The following POLQ variants were observed in gnomAD, a reference collection of about 807,000 sequenced individuals.
POLQ encodes the protein DNA polymerase theta.
A neutral mutation model predicts 259.2 loss-of-function variants in POLQ; 233 were observed. The observed-to-expected ratio is 0.90, with a 90% confidence interval of 0.81 to 1.00. The LOEUF (loss-of-function observed/expected upper bound fraction) is 1.00. POLQ is among the 50% of genes least tolerant of loss of function. The pLI is 0.00. For synonymous variants in POLQ, 1,025 were observed against 1,048.8 expected (o/e 0.98, Z 0.44); for missense variants, 2,871 against 3,051.6 (o/e 0.94, Z 1.39).
chr3:121,468,463 AG>A, intron 22 of POLQ, 32 bp from the exon 23 acceptor site: 1 of 1,534,224 alleles, frequency 6.5e-7, no homozygotes, highest in Non-Finnish European at 8.9e-7. Context: ...ACATAAAATC[AG>A]GAAAAAAAAT....
intron 7 of POLQ, among the ~76,000 whole-genome samples, chr3:121,522,686 G>C (rs1167790357): frequency 6.6e-6 from 1 of 152,126 alleles, no homozygotes; most frequent in Non-Finnish European, 1.5e-5. Flanking sequence ...GATGTGACCT[G>C]GACATGAAGA....
chr3:121,483,368 T>C lies in POLQ; in HGVS notation c.5970+18A>G. 1 of 1,422,598 alleles carries C rather than the reference T, an allele frequency of 7.0e-7. No homozygotes were observed. The highest frequency in any genetic ancestry group is 9.4e-7 in the Non-Finnish European group (1 of 1,066,162). The allele number at this position is 1,422,598 out of a possible 1,614,324, so 88.1% of individuals were successfully genotyped here. On this transcript the variant is annotated intron_variant, in intron 18 of 29. Coordinates refer to ENST00000264233, the MANE Select transcript of POLQ (RefSeq NM_199420.4). The stretch of plus-strand genomic sequence containing the variant: ...AAATGTTGTTTTAAGTATATAAAAA[T>C]TAAATTAGACATAGAACCTTAGGAT...
chr3:121,438,478 A>C (rs943534627), intron 27 of POLQ, among the ~76,000 whole-genome samples: 7 of 152,206 alleles, frequency 4.6e-5, no homozygotes, highest in African/African-American at 1.7e-4. Context: ...CATTTAGAAG[A>C]AGCCTTTTAG....
intron 8 of POLQ, 187 bp downstream of exon 8, chr3:121,521,816 T>C: frequency 2.9e-6 from 1 of 348,594 alleles, no homozygotes; most frequent in Non-Finnish European, 5.1e-6. Flanking sequence ...GGTGATCCAC[T>C]TGCTTCGGCC....
In POLQ at chr3:121,544,720, T is replaced by A. The variant is rs375961541; in HGVS notation, c.343+7A>T. 1.9e-6 allele frequency: 3 copies of A among 1,566,632 alleles called. No homozygotes were observed. The African/African-American group carries it at 4.1e-5, about 21-fold the overall frequency. ...AAATAGTAATTAGTTTACATAAATT[T>A]GGATACCTGAATAAACTAAATTCTT... On this transcript the variant is annotated splice_region_variant and intron_variant, in intron 2 of 29. Coordinates refer to ENST00000264233, the MANE Select transcript of POLQ (RefSeq NM_199420.4).
At chr3:121,541,827 C>T (rs954231850) in intron 2 of POLQ, among the ~76,000 whole-genome samples, 7 of 151,846 alleles carry the variant, frequency 4.6e-5, no homozygotes, top group African/African-American at 1.7e-4. Flanking sequence ...GAGCTATGAT[C>T]GAAGTTGAAG....
At chr3:121,523,050 C>T (rs1345384370) in intron 7 of POLQ, among the ~76,000 whole-genome samples, 1 of 152,222 alleles carries the variant, frequency 6.6e-6, no homozygotes, top group South Asian at 2.1e-4. Flanking sequence ...GGGTCTCACT[C>T]TGTCACCCAG....
Position 121,529,760 on chromosome 3 carries a change from A to G in POLQ, c.993T>C (p.Tyr331=), listed in dbSNP as rs1224624181. The change falls in exon 7 of 30, where the codon TAT becomes TAC. Residue 331 remains tyrosine, a synonymous_variant. Transcript: ENST00000264233. ...CTGAATGGTTATCACAAATCGTCTC[A>G]TAACATAAACTAACAACATGGTCCT... ...GDEDHVVSLC[Y]ETICDNHSVL... The G allele has an allele frequency of 5.0e-6, 8 of 1,612,248 alleles. No individual in the cohort carries two copies. In the African/African-American group the frequency reaches 9.3e-5, roughly 19 times the overall value.
Position 121,460,204 on chromosome 3 carries a change from TGA to T in POLQ, c.6996_6997del (p.Gln2333AlafsTer2). On this transcript the variant is annotated frameshift_variant, in exon 25 of 30. Coordinates refer to ENST00000264233, the MANE Select transcript of POLQ (RefSeq NM_199420.4). LOFTEE classifies it high-confidence loss of function. ...ATGAGCCAAGATCCTCAGTTCAAGC[TGA>T]GAGTAGTCAGCAGCCAGTATTGAAC... The T allele has an allele frequency of 6.2e-7, 1 of 1,613,762 alleles. No homozygotes were observed. The highest frequency in any genetic ancestry group is 8.5e-7 in the Non-Finnish European group (1 of 1,179,632).
At position 121,488,938 on chromosome 3, in the gene POLQ, T is replaced by C; in HGVS notation, c.3993A>G (p.Ile1331Met). 6.2e-7 allele frequency: 1 copy of C among 1,614,164 alleles called. No homozygotes were observed. The highest frequency in any genetic ancestry group is 1.1e-5 in the South Asian group (1 of 91,082). The change falls in exon 16 of 30, where the codon ATA becomes ATG. Residue 1331 changes from isoleucine to methionine, a missense_variant. By Grantham distance (10) the Ile-to-Met change is conservative (BLOSUM62 1). Coordinates refer to ENST00000264233, the MANE Select transcript of POLQ (RefSeq NM_199420.4). ...SFYLDTQSEK[I>M]IQQMATENAK... ...CATTTTCAGTTGCCATCTGTTGTAT[T>C]ATTTTCTCTGACTGAGTATCCAGAT...
Position 121,487,638 on chromosome 3 carries a change from CATT to C in POLQ, c.5290_5292del (p.Asn1764del), listed in dbSNP as rs1424243831. The C allele has an allele frequency of 6.2e-7, 1 of 1,613,752 alleles. No individual in the cohort carries two copies. The highest frequency in any genetic ancestry group is 2.2e-5 in the East Asian group (1 of 44,870). On this transcript the variant is annotated inframe_deletion, in exon 16 of 30. Coordinates refer to ENST00000264233, the MANE Select transcript of POLQ (RefSeq NM_199420.4). Reference sequence around the variant, plus strand: ...AAATAACTTTCACCAGGTTGTAAAACATTATTAGTTTTCCAAGGGTTTACAGGT... The same window carrying C: ...AAATAACTTTCACCAGGTTGTAAAACATTAGTTTTCCAAGGGTTTACAGGT...
intron 10 of POLQ, among the ~76,000 whole-genome samples, chr3:121,511,130 G>A (rs1014190097): frequency 2.0e-5 from 3 of 151,606 alleles, no homozygotes; most frequent in African/African-American, 7.3e-5. Flanking sequence ...GGAGGCTGAG[G>A]CAGGAGAATG....
Position 121,449,960 on chromosome 3 carries a change from A to C in POLQ, c.7153-534T>G, listed in dbSNP as rs143042326. 8.2e-3 allele frequency among the ~76,000 whole-genome samples: 1,248 copies of C among 152,324 alleles called. 16 individuals carry two copies. The highest frequency in any genetic ancestry group is 0.028 in the African/African-American group (1,176 of 41,574). ...TTTAATTCACTTAAATACAAACAAA[A>C]ACTCCTAAGAAAATTTCGGGAGTAG... On this transcript the variant is annotated intron_variant, in intron 25 of 29. Transcript: ENST00000264233.
chr3:121,487,242 T>C (rs2048019214), intron 16 of POLQ, 60 bp downstream of exon 16: 1 of 874,136 alleles, frequency 1.1e-6, no homozygotes, highest in African/African-American at 1.7e-5. Flanking sequence ...AATCTAACTC[T>C]TATCTCAGTC....
At chr3:121,492,883 A>C (rs1416241378) in intron 15 of POLQ, among the ~76,000 whole-genome samples, 1 of 151,542 alleles carries the variant, frequency 6.6e-6, no homozygotes, top group Non-Finnish European at 1.5e-5. Context: ...CCTAAGCTCA[A>C]ACAATCAGCC....
intron 23 of POLQ, 80 bp from the exon 24 acceptor site, chr3:121,467,720 G>C (rs2047850368): frequency 1.4e-5 from 19 of 1,397,452 alleles, no homozygotes; most frequent in Non-Finnish European, 1.9e-5. Context: ...AGTAACATCA[G>C]TATTTCCGTC....
Position 121,490,233 on chromosome 3 carries a change from G to A in POLQ, c.2698C>T (p.Pro900Ser). ...DLVEMGVQWN[P>S]CALLHSSTCS... ...GTACTAGAATGTAACAGGGCACATG[G>A]ATTCCATTGCACTCCCATTTCAACT... is the stretch of plus-strand genomic sequence containing the variant. Residue 900 changes from proline to serine, a missense_variant, in exon 16 of 30, where the codon CCA (proline) becomes TCA (serine). Transcript: ENST00000264233. 6.2e-7 allele frequency: 1 copy of A among 1,614,146 alleles called. No homozygotes were observed. Among genetic ancestry groups the A allele is most frequent in the Non-Finnish European group, 8.5e-7 (1 of 1,179,986 alleles).
chr3:121,490,750 A>T (rs759639619), intron 15 of POLQ, among the ~76,000 whole-genome samples: 3 of 152,206 alleles, frequency 2.0e-5, no homozygotes, highest in Non-Finnish European at 2.9e-5. Flanking sequence ...GAAAGCCATA[A>T]AACTTTCATT....
chr3:121,443,634 T>C (rs2108775503), intron 26 of POLQ, among the ~76,000 whole-genome samples: 1 of 152,338 alleles, frequency 6.6e-6, no homozygotes, highest in South Asian at 2.1e-4. Flanking sequence ...TTGCTGTGGT[T>C]GCCTGCGCTT....
Sources: gnomAD v4.1 joint callset for allele counts (sites outside exome capture counted in the v4.1 genomes callset) on GRCh38, gnomAD v4.1.1 for gene constraint, MANE v1.5 for transcripts, NCBI Gene and HGNC (gene_info 2026-07-23, HGNC 2026-07-21) for gene names.